CIMIP6: variants seen among roughly 807,000 people sequenced by gnomAD.
The protein encoded by CIMIP6 is ciliary microtubule inner protein 6, also known as uncharacterized protein C2orf73.
chr2:54,361,508 G>T, the CIMIP6 span: 2 of 152,122 alleles, frequency 1.3e-5, no homozygotes, highest in East Asian at 3.8e-4. Flanking sequence ...ACTATTATCT[G>T]CAGTATTGAT....
chr2:54,351,064 T>C, the CIMIP6 span, among the ~76,000 whole-genome samples: 1 of 152,228 alleles, frequency 6.6e-6, no homozygotes, highest in Non-Finnish European at 1.5e-5. Context: ...TTGAAAAATA[T>C]GTTTCAAGTC....
At chr2:54,355,245 C>T in the CIMIP6 span, among the ~76,000 whole-genome samples, 1 of 152,106 alleles carries the variant, frequency 6.6e-6, no homozygotes, top group Non-Finnish European at 1.5e-5. Flanking sequence ...TCTTTGAAAG[C>T]ATTTATAATT....
At chr2:54,361,617 T>G in the CIMIP6 span, 1 of 152,218 alleles carries the variant, frequency 6.6e-6, no homozygotes, top group East Asian at 1.9e-4. Context: ...TGTTGGGGAC[T>G]TCTAGTTCTT....
chr2:54,371,830 T>C, the CIMIP6 span, among the ~76,000 whole-genome samples: 11 of 152,228 alleles, frequency 7.2e-5, no homozygotes, highest in South Asian at 2.3e-3. Context: ...AAGAACTGAG[T>C]CTATGGAAGC....
chr2:54,343,640 T>C, the CIMIP6 span: 1 of 1,030,102 alleles, frequency 9.7e-7, no homozygotes, highest in Non-Finnish European at 1.3e-6. Context: ...ATTGAATTAC[T>C]GAATATCCAT....
chr2:54,370,704 T>C, the CIMIP6 span, among the ~76,000 whole-genome samples: 2 of 152,250 alleles, frequency 1.3e-5, no homozygotes, highest in East Asian at 1.9e-4. Context: ...CTGCTTCCCT[T>C]GTGACATGCA....
chr2:54,380,015 C>T, the CIMIP6 span, among the ~76,000 whole-genome samples: 1 of 150,976 alleles, frequency 6.6e-6, no homozygotes, highest in African/African-American at 2.4e-5. Flanking sequence ...TGGTGTTGTG[C>T]ACCTCTAGTC....
At chr2:54,360,164 C>A in the CIMIP6 span, 1 of 1,490,412 alleles carries the variant, frequency 6.7e-7, no homozygotes. Context: ...CAGCAATCTG[C>A]GTTCTCCTGG....
chr2:54,335,093 T>A, the CIMIP6 span: 3 of 1,259,288 alleles, frequency 2.4e-6, no homozygotes, highest in Admixed American at 7.1e-5. Flanking sequence ...AATAATTTGG[T>A]CACAGACTAT....
At chr2:54,377,760 T>TGTA in the CIMIP6 span, among the ~76,000 whole-genome samples, 48,543 of 151,906 alleles carry the variant, frequency 0.32, 8,554 homozygotes, top group East Asian at 0.59. Context: ...CTGGAGAGTG[T>TGTA]GTAGATGAGG....
At chr2:54,335,378 T>G in the CIMIP6 span, among the ~76,000 whole-genome samples, 2 of 152,224 alleles carry the variant, frequency 1.3e-5, no homozygotes, top group Non-Finnish European at 2.9e-5. Flanking sequence ...ATAATAATCA[T>G]TTATTGAAAG....
chr2:54,380,509 C>A, the CIMIP6 span, among the ~76,000 whole-genome samples: 1 of 152,010 alleles, frequency 6.6e-6, no homozygotes, highest in Admixed American at 6.5e-5. Flanking sequence ...TGATTGATAA[C>A]TTTCTATATT....
At chr2:54,383,664 C>T in the CIMIP6 span, 22 of 150,996 alleles carry the variant, frequency 1.5e-4, no homozygotes, top group Admixed American at 4.0e-4. Flanking sequence ...TAATTATTCG[C>T]GTAAATATAT....
chr2:54,375,522 C>A, the CIMIP6 span, among the ~76,000 whole-genome samples: 1 of 152,172 alleles, frequency 6.6e-6, no homozygotes, highest in African/African-American at 2.4e-5. Context: ...AGAATAGGTA[C>A]AACCTTTTAG....
At chr2:54,334,787 G>A in the CIMIP6 span, 1 of 1,400,624 alleles carries the variant, frequency 7.1e-7, no homozygotes, top group Non-Finnish European at 9.8e-7. Context: ...TGGTTACTGG[G>A]GTAAATGGTT....
chr2:54,373,162 TG>T, the CIMIP6 span, among the ~76,000 whole-genome samples: 1 of 152,270 alleles, frequency 6.6e-6, no homozygotes, highest in East Asian at 1.9e-4. Flanking sequence ...CTTAAAATTG[TG>T]TAAGGGCTCC....
chr2:54,369,680 T>A, the CIMIP6 span, among the ~76,000 whole-genome samples: 1 of 152,228 alleles, frequency 6.6e-6, no homozygotes, highest in East Asian at 1.9e-4. Context: ...AGAAGACTAC[T>A]GAGTGCATTT....
the CIMIP6 span, among the ~76,000 whole-genome samples, chr2:54,377,033 C>T: frequency 6.6e-6 from 1 of 152,188 alleles, no homozygotes; most frequent in Admixed American, 6.5e-5. Context: ...TTCCTGACTT[C>T]GGTTCTCTCG....
the CIMIP6 span, among the ~76,000 whole-genome samples, chr2:54,346,811 G>A: frequency 1.3e-5 from 2 of 152,100 alleles, no homozygotes; most frequent in African/African-American, 4.8e-5. Context: ...CATTGTCAAA[G>A]GATCTTTTTA....
Sources: allele counts gnomAD v4.1 joint callset (sites outside exome capture counted in the v4.1 genomes callset), GRCh38; gene constraint gnomAD v4.1.1; transcripts MANE v1.5; gene names NCBI Gene and HGNC (gene_info 2026-07-23, HGNC 2026-07-21).